The following ARHGAP15 variants were observed in gnomAD, a reference collection of about 807,000 sequenced individuals.
ARHGAP15 encodes rho GTPase-activating protein 15.
A neutral mutation model predicts 63.7 loss-of-function variants in ARHGAP15; 51 were observed. The ratio of observed to expected loss-of-function variants is 0.80; its 90% CI spans 0.64 to 1.01. The LOEUF (loss-of-function observed/expected upper bound fraction) is 1.01, where lower values mean the gene tolerates loss of function less well. Among genes scored for constraint, ARHGAP15 ranks in the 50% least tolerant of loss-of-function variants. The probability of loss-of-function intolerance (pLI) is 0.00; values close to 1 mark genes in which losing one functional copy is unlikely to be tolerated. For missense variants in ARHGAP15, 560 were observed against 564.6 expected (o/e 0.99, Z 0.08); for synonymous variants, 191 against 193.8 (o/e 0.99, Z 0.12).
chr2:143,714,072 T>G (rs1035401731), intron 13 of ARHGAP15, among the ~76,000 whole-genome samples: 3 of 152,238 alleles, frequency 2.0e-5, no homozygotes, highest in African/African-American at 7.2e-5. Context: ...CACATTTCCC[T>G]TCCGCAATGC....
chr2:143,167,777 G>A (rs921859038), intron 2 of ARHGAP15, among the ~76,000 whole-genome samples: 2 of 152,130 alleles, frequency 1.3e-5, no homozygotes, highest in Non-Finnish European at 2.9e-5. Context: ...CCATCAAGTG[G>A]TGGCTCCACC....
At chr2:143,409,118 T>C (rs2105017219) in intron 6 of ARHGAP15, among the ~76,000 whole-genome samples, 1 of 152,142 alleles carries the variant, frequency 6.6e-6, no homozygotes, top group East Asian at 1.9e-4. Flanking sequence ...ATTACCTGGC[T>C]ACCTAACCAG....
chr2:143,419,828 A>G (rs1043982799), intron 6 of ARHGAP15, among the ~76,000 whole-genome samples: 2 of 151,852 alleles, frequency 1.3e-5, no homozygotes, highest in South Asian at 2.1e-4. Flanking sequence ...ATATTCAGAA[A>G]TAGTTTGCTT....
chr2:143,363,366 C>T (rs918082656), intron 6 of ARHGAP15, among the ~76,000 whole-genome samples: 7 of 152,106 alleles, frequency 4.6e-5, no homozygotes, highest in Non-Finnish European at 7.4e-5. Flanking sequence ...ATGGTGAAAC[C>T]CTGTCTCTAC....
chr2:143,691,962 T>A (rs1307062143), intron 12 of ARHGAP15, among the ~76,000 whole-genome samples: 1 of 152,218 alleles, frequency 6.6e-6, no homozygotes, highest in East Asian at 1.9e-4. Flanking sequence ...TGATGGAATT[T>A]GGTGTTTTAA....
chr2:143,521,471 T>C (rs1285172464), intron 10 of ARHGAP15, among the ~76,000 whole-genome samples: 1 of 152,170 alleles, frequency 6.6e-6, no homozygotes, highest in Non-Finnish European at 1.5e-5. Flanking sequence ...ATAATTTATG[T>C]GAATCTAAGT....
chr2:143,208,889 T>C lies in ARHGAP15; in HGVS notation c.234+6687T>C, dbSNP rs146562155. ...GAAAACCCTGCAGGAGTCAAAAGCC[T>C]GTGGCAGGTTTTTACAGAATCATCT... On this transcript the variant is annotated intron_variant, in intron 3 of 13. Transcript: ENST00000295095. Among the ~76,000 whole-genome samples, 566 of 152,278 alleles carry C rather than the reference T, an allele frequency of 3.7e-3. 2 individuals are homozygous for C. Among genetic ancestry groups the C allele is most frequent in the Middle Eastern group, 0.017 (5 of 294 alleles).
intron 6 of ARHGAP15, among the ~76,000 whole-genome samples, chr2:143,292,175 T>C (rs1211141797): frequency 6.6e-6 from 1 of 152,108 alleles, no homozygotes; most frequent in East Asian, 1.9e-4. Flanking sequence ...GCAATGACTA[T>C]TAAATTTCAT....
chr2:143,202,807 C>T (rs996346668), intron 3 of ARHGAP15, among the ~76,000 whole-genome samples: 1 of 151,924 alleles, frequency 6.6e-6, no homozygotes, highest in African/African-American at 2.4e-5. Flanking sequence ...AAAAATTAAT[C>T]GACTCAACAT....
chr2:143,667,168 C>G (rs1174843342), intron 12 of ARHGAP15, among the ~76,000 whole-genome samples: 1 of 149,538 alleles, frequency 6.7e-6, no homozygotes, highest in Non-Finnish European at 1.5e-5. Flanking sequence ...TTGGAACCAA[C>G]CCAAATGTCC....
intron 12 of ARHGAP15, among the ~76,000 whole-genome samples, chr2:143,629,443 T>C (rs929064778): frequency 6.6e-5 from 10 of 152,178 alleles, no homozygotes; most frequent in Non-Finnish European, 1.5e-4. Flanking sequence ...AAGGCATTAT[T>C]AGTACTGTAA....
At chr2:143,703,566 T>C (rs1684190496) in intron 13 of ARHGAP15, 42 bp downstream of exon 13, 2 of 1,462,542 alleles carry the variant, frequency 1.4e-6, no homozygotes, top group Non-Finnish European at 1.9e-6. Flanking sequence ...TTATAGTCAT[T>C]TCCTAAATGG....
chr2:143,703,990 AAG>A (rs1434758439), intron 13 of ARHGAP15: 1 of 143,696 alleles, frequency 7.0e-6, no homozygotes, highest in Non-Finnish European at 1.5e-5. Flanking sequence ...GTAAATAGCT[AAG>A]AGAGGAGTCT....
intron 12 of ARHGAP15, among the ~76,000 whole-genome samples, chr2:143,649,388 T>TAAAC (rs1681051540): frequency 6.6e-6 from 1 of 151,982 alleles, no homozygotes; most frequent in African/African-American, 2.4e-5. Context: ...ATGGCATTTT[T>TAAAC]AAACAAAACT....
chr2:143,131,438 A>G (rs1688912385), intron 1 of ARHGAP15, among the ~76,000 whole-genome samples: 1 of 152,156 alleles, frequency 6.6e-6, no homozygotes, highest in Non-Finnish European at 1.5e-5. Flanking sequence ...GTGCTTTTCC[A>G]CTTAGGGCCA....
rs551075153 is a variant in ARHGAP15 at position 143,536,619 on chromosome 2, C to T, written c.925+17255C>T. On this transcript the variant is annotated intron_variant, in intron 10 of 13. Coordinates refer to ENST00000295095, the MANE Select transcript of ARHGAP15 (RefSeq NM_018460.4). The stretch of plus-strand genomic sequence containing the variant: ...ATTCCCACCTATGAACGAGAACATG[C>T]GGTGTTTGGTTTTTTGTCCTTGCAA... Among the ~76,000 whole-genome samples, 344 of 150,202 alleles carry T rather than the reference C, an allele frequency of 2.3e-3. 3 individuals are homozygous for T. Among genetic ancestry groups the T allele is most frequent in the African/African-American group, 7.9e-3 (324 of 40,854 alleles).
intron 10 of ARHGAP15, chr2:143,522,134 C>T (rs1255657892): frequency 6.6e-6 from 1 of 152,140 alleles, no homozygotes; most frequent in Non-Finnish European, 1.5e-5. Context: ...GAAAATCTAC[C>T]AATAAACTGA....
intron 6 of ARHGAP15, among the ~76,000 whole-genome samples, chr2:143,394,562 A>G (rs1463392847): frequency 1.3e-5 from 2 of 152,288 alleles, no homozygotes; most frequent in East Asian, 3.9e-4. Context: ...AACCTCTCAC[A>G]TTCCAAATGG....
chr2:143,306,652 C>T (rs1289965186), intron 6 of ARHGAP15, among the ~76,000 whole-genome samples: 1 of 152,058 alleles, frequency 6.6e-6, no homozygotes, highest in Non-Finnish European at 1.5e-5. Flanking sequence ...TAGGGTTGTC[C>T]TTGGATAAGA....
Sources: gnomAD v4.1 joint callset for allele counts (sites outside exome capture counted in the v4.1 genomes callset) on GRCh38, gnomAD v4.1.1 for gene constraint, MANE v1.5 for transcripts, NCBI Gene and HGNC (gene_info 2026-07-23, HGNC 2026-07-21) for gene names.